The following RUFY3 variants were observed in gnomAD, a reference collection of about 807,000 sequenced individuals.
RUFY3 encodes RUN and FYVE domain containing 3, also known as protein RUFY3.
A neutral mutation model predicts 84.0 loss-of-function variants in RUFY3; 34 were observed. The ratio of observed to expected loss-of-function variants is 0.40; its 90% CI spans 0.31 to 0.54. The LOEUF (loss-of-function observed/expected upper bound fraction) is 0.54. Ranked by LOEUF, RUFY3 falls within the 20% of genes least tolerant of loss-of-function variation. The pLI is 0.39. For missense variants in RUFY3, 507 were observed against 736.8 expected, an observed-to-expected ratio of 0.69 and a Z score of 3.61; for synonymous variants, 242 against 252.9, an observed-to-expected ratio of 0.96 and a Z score of 0.41.
At chr4:70,780,318 CAG>C (rs1161217611) in intron 8 of RUFY3, among the ~76,000 whole-genome samples, 1 of 151,940 alleles carries the variant, frequency 6.6e-6, no homozygotes, top group Non-Finnish European at 1.5e-5. Flanking sequence ...TTTTTTGAGA[CAG>C]AGTATTGCTT....
upstream of RUFY3, among the ~76,000 whole-genome samples, chr4:70,717,715 T>G (rs1024780628): frequency 1.9e-4 from 29 of 151,890 alleles, no homozygotes; most frequent in Non-Finnish European, 3.2e-4. Context: ...ACATGGACTT[T>G]GGAGGTATCT....
At chr4:70,764,043 T>C (rs1725439817) in intron 3 of RUFY3, among the ~76,000 whole-genome samples, 2 of 152,320 alleles carry the variant, frequency 1.3e-5, no homozygotes, top group South Asian at 4.1e-4. Flanking sequence ...GAAGAGCTAG[T>C]GACTGTAGCC....
rs778789786 is a variant in RUFY3, at chr4:70,768,606, G to A, written c.641G>A (p.Gly214Asp). ...EGAIIAGLLVGLNVIDANFCM... is the reference protein window; with the variant it reads ...EGAIIAGLLVDLNVIDANFCM... Reference sequence around the variant, plus strand: ...GCCATAATTGCTGGTCTGTTGGTGGGTCTGAATGTCATTGATGCCAATTTC... The same window carrying A: ...GCCATAATTGCTGGTCTGTTGGTGGATCTGAATGTCATTGATGCCAATTTC... The change falls in exon 5 of 18, where the codon GGT (glycine) becomes GAT (aspartate). Residue 214 changes from glycine to aspartate, a missense_variant. Physicochemically the swap from Gly to Asp is moderately conservative, Grantham distance 94. Coordinates refer to ENST00000381006, the MANE Select transcript of RUFY3 (RefSeq NM_001037442.4). 1 of 1,613,960 alleles carries A rather than the reference G, an allele frequency of 6.2e-7. No homozygotes were observed.
rs560245961 is a variant in RUFY3, at chr4:70,773,227, A to G, written c.697-284A>G. 2.0e-5 allele frequency among the ~76,000 whole-genome samples: 3 copies of G among 152,344 alleles called. No homozygotes were observed. The South Asian group carries it at 6.2e-4, about 32-fold the overall frequency. On this transcript the variant is annotated intron_variant, in intron 5 of 17. Transcript: ENST00000381006. ...GATTCAGTAGCAGAATACCCGAAAT[A>G]AGCAAAAGAGAAAGAAACTTTAGAC...
Position 70,804,422 on chromosome 4 carries a change from T to G in RUFY3, c.1719+6T>G. 2 of 1,613,220 alleles carry G rather than the reference T, an allele frequency of 1.2e-6. No homozygotes were observed. Among genetic ancestry groups the G allele is most frequent in the Non-Finnish European group, 1.7e-6 (2 of 1,179,316 alleles). ...AAGACGGCAGCCTAACAAAGGTAAC[T>G]GTGATGAGAAACGGACAGGCTTTTC... On this transcript the variant is annotated splice_donor_region_variant and intron_variant, in intron 17 of 17. Coordinates refer to ENST00000381006, the MANE Select transcript of RUFY3 (RefSeq NM_001037442.4).
chr4:70,754,170 A>G (rs1723600614), intron 1 of RUFY3, among the ~76,000 whole-genome samples: 1 of 151,812 alleles, frequency 6.6e-6, no homozygotes, highest in Non-Finnish European at 1.5e-5. Flanking sequence ...CTCCTGCCTC[A>G]GCCTCCTGAG....
chr4:70,774,614 C>CAAAAAAAAAAAAAAAAAAA (rs1172638290), intron 6 of RUFY3, among the ~76,000 whole-genome samples: 1 of 22,084 alleles, frequency 4.5e-5, no homozygotes, highest in Non-Finnish European at 7.0e-5. Flanking sequence ...GACTCTGCCT[C>CAAAAAAAAAAAAAAAAAAA]AAAAAAAAAA....
At chr4:70,767,494 A>G (rs976415556) in intron 4 of RUFY3, among the ~76,000 whole-genome samples, 10 of 152,012 alleles carry the variant, frequency 6.6e-5, no homozygotes, top group African/African-American at 2.4e-4. Flanking sequence ...AAATTTTGGC[A>G]ATTAAGAGTA....
At chr4:70,721,040 A>G (rs2148582423), upstream of RUFY3, among the ~76,000 whole-genome samples, 1 of 152,164 alleles carries the variant, frequency 6.6e-6, no homozygotes, top group African/African-American at 2.4e-5. Flanking sequence ...AAGGCTGGGC[A>G]TGGTGGCTCA....
At chr4:70,714,610 A>G (rs562277105) in intron 1 of RUFY3, among the ~76,000 whole-genome samples, 104 of 152,350 alleles carry the variant, frequency 6.8e-4, no homozygotes, top group African/African-American at 2.2e-3. Flanking sequence ...GAAGTGAAAC[A>G]TGAGGGTGGA....
At chr4:70,772,410 G>T (rs1560528019) in intron 5 of RUFY3, among the ~76,000 whole-genome samples, 1 of 152,046 alleles carries the variant, frequency 6.6e-6, no homozygotes, top group Non-Finnish European at 1.5e-5. Flanking sequence ...CCTAGGTTTG[G>T]ATTCTGGCTT....
intron 1 of RUFY3, among the ~76,000 whole-genome samples, chr4:70,729,480 A>G (rs1291232740): frequency 1.3e-5 from 2 of 151,748 alleles, no homozygotes. Context: ...CTGGTCTCGA[A>G]CTCCTGACCT....
chr4:70,789,538 G>T lies in RUFY3; in HGVS notation c.1283G>T (p.Arg428Leu). 6.2e-7 allele frequency: 1 copy of T among 1,612,792 alleles called. No individual in the cohort carries two copies. Among genetic ancestry groups the T allele is most frequent in the Admixed American group, 1.7e-5 (1 of 59,970 alleles). Residue 428 changes from arginine to leucine, a missense_variant, in exon 12 of 18, where the codon CGC becomes CTC. Physicochemically the swap from Arg to Leu is moderately radical, Grantham distance 102. This residue lies in a region of RUFY3 where 334 missense variants were observed against 364.1 expected (regional missense o/e 0.92). Transcript: ENST00000381006. ...AAACAGAAAAGTGAACTAAACAGTCGCTTGGAAGAGAAGACTAATCAGATG... is the reference window on the plus strand; with the variant it reads ...AAACAGAAAAGTGAACTAAACAGTCTCTTGGAAGAGAAGACTAATCAGATG... ...GVKQKSELNS[R>L]LEEKTNQMAA...
At chr4:70,719,486 C>T (rs1333854838), upstream of RUFY3, among the ~76,000 whole-genome samples, 3 of 152,154 alleles carry the variant, frequency 2.0e-5, no homozygotes, top group African/African-American at 7.2e-5. Context: ...TTTTGGACCC[C>T]AGACAATCAC....
Position 70,783,235 on chromosome 4 carries a change from A to C in RUFY3, c.987+52A>C, listed in dbSNP as rs774198996. 6 of 1,175,428 alleles carry C rather than the reference A, an allele frequency of 5.1e-6. No homozygotes were observed. The East Asian group carries it at 1.4e-4, about 28-fold the overall frequency. 72.8% of individuals were successfully genotyped at this position (1,175,428 alleles called of 1,614,324 possible). ...TTCACTGAGAGCATATCAACTTGTT[A>C]GTGGTAAAGGGGAGTCTCTAAAGGA... is the stretch of plus-strand genomic sequence containing the variant. On this transcript the variant is annotated intron_variant, in intron 9 of 17. Transcript: ENST00000381006.
intron 12 of RUFY3, chr4:70,793,325 A>G (rs1243498327): frequency 3.0e-6 from 3 of 1,004,816 alleles, no homozygotes; most frequent in African/African-American, 3.5e-5. Flanking sequence ...AGAAAAAACT[A>G]TAATTCCACA....
intron 1 of RUFY3, chr4:70,734,434 G>A (rs774734299): frequency 2.1e-5 from 21 of 985,300 alleles, no homozygotes; most frequent in Middle Eastern, 1.0e-3. Context: ...TCTGAGCTGT[G>A]ATTATGTGTT....
intron 4 of RUFY3, among the ~76,000 whole-genome samples, chr4:70,766,013 G>A (rs958009261): frequency 6.6e-6 from 1 of 151,840 alleles, no homozygotes; most frequent in Non-Finnish European, 1.5e-5. Flanking sequence ...CACCCACCTT[G>A]GCCTCCCAAA....
chr4:70,768,893 C>T (rs953873061), intron 5 of RUFY3, among the ~76,000 whole-genome samples: 6 of 151,854 alleles, frequency 4.0e-5, no homozygotes, highest in Non-Finnish European at 8.8e-5. Context: ...CTCTGTTAAA[C>T]ATACATATAC....
Sources: gnomAD v4.1 joint callset for allele counts (sites outside exome capture counted in the v4.1 genomes callset) on GRCh38, gnomAD v4.1.1 for gene constraint, gnomAD v4.1.1 regional missense constraint, MANE v1.5 for transcripts, NCBI Gene and HGNC (gene_info 2026-07-23, HGNC 2026-07-21) for gene names.